KANK4: variants seen among roughly 807,000 people sequenced by gnomAD.
The protein encoded by KANK4 is KN motif and ankyrin repeat domain-containing protein 4.
A neutral mutation model predicts 80.8 loss-of-function variants in KANK4; 50 were observed. That is an observed-to-expected ratio of 0.62 (90% CI 0.49 to 0.78). The LOEUF is 0.78. Among genes scored for constraint, KANK4 ranks in the 30% least tolerant of loss-of-function variants. The pLI is 0.00. For missense variants in KANK4, 1,196 were observed against 1,240.1 expected, an observed-to-expected ratio of 0.96 and a Z score of 0.53; for synonymous variants, 465 against 506.9, an observed-to-expected ratio of 0.92 and a Z score of 1.11.
chr1:62,278,097 T>C (rs1672351710), intron 2 of KANK4, among the ~76,000 whole-genome samples: 1 of 152,042 alleles, frequency 6.6e-6, no homozygotes, highest in South Asian at 2.1e-4. Flanking sequence ...ACGCTCTAGG[T>C]CATGGGAGTC....
At chr1:62,293,062 TTGTGTGTGTGTGTG>T (rs5774593) in intron 1 of KANK4, among the ~76,000 whole-genome samples, 4,014 of 146,740 alleles carry the variant, frequency 0.027, 183 homozygotes, top group African/African-American at 0.094. Context: ...GTCTCAATCT[TTGTGTGTGTGTGTG>T]TGTGTGTGTG....
At chr1:62,281,507 A>C in intron 2 of KANK4, 42 bp downstream of exon 2, 1 of 1,613,564 alleles carries the variant, frequency 6.2e-7, no homozygotes, top group South Asian at 1.1e-5. Flanking sequence ...TCCCAGCCCA[A>C]GTGCTTATCT....
intron 4 of KANK4, 103 bp from the exon 5 acceptor site, chr1:62,268,608 C>T: frequency 1.2e-6 from 1 of 859,448 alleles, no homozygotes; most frequent in East Asian, 2.5e-5. Flanking sequence ...CCGCAGCTTG[C>T]TAATCTCCTC....
intron 1 of KANK4, among the ~76,000 whole-genome samples, chr1:62,305,500 GGGGTTTT>G (rs1644444145): frequency 6.6e-6 from 1 of 151,986 alleles, no homozygotes; most frequent in Admixed American, 6.6e-5. Flanking sequence ...TAGTAGAGAT[GGGGTTTT>G]GCCATGTTGG....
intron 2 of KANK4, among the ~76,000 whole-genome samples, chr1:62,279,281 TC>T (rs1672400057): frequency 6.6e-6 from 1 of 151,420 alleles, no homozygotes; most frequent in Admixed American, 6.6e-5. Context: ...CACCTGCCAT[TC>T]TGCATTCCTT....
intron 7 of KANK4, among the ~76,000 whole-genome samples, chr1:62,259,023 G>A (rs1020184865): frequency 1.3e-5 from 2 of 152,084 alleles, no homozygotes; most frequent in African/African-American, 4.8e-5. Flanking sequence ...CAGCAGAGAC[G>A]GCCCAGGCAG....
intron 1 of KANK4, among the ~76,000 whole-genome samples, chr1:62,282,185 G>A (rs1009281037): frequency 6.6e-6 from 1 of 152,130 alleles, no homozygotes; most frequent in Non-Finnish European, 1.5e-5. Flanking sequence ...TCTAACCATG[G>A]GCAGAACAAG....
At chr1:62,279,353 T>C (rs1238893885) in intron 2 of KANK4, among the ~76,000 whole-genome samples, 1 of 152,230 alleles carries the variant, frequency 6.6e-6, no homozygotes, top group East Asian at 1.9e-4. Flanking sequence ...GCTGATAAGC[T>C]GAGAGACTAC....
intron 1 of KANK4, among the ~76,000 whole-genome samples, chr1:62,293,891 CA>C (rs1462161393): frequency 6.6e-6 from 1 of 152,188 alleles, no homozygotes; most frequent in Non-Finnish European, 1.5e-5. Flanking sequence ...GAATTTACAG[CA>C]AGTGACTATG....
chr1:62,277,909 G>T (rs1022203503), intron 2 of KANK4, among the ~76,000 whole-genome samples: 1 of 152,182 alleles, frequency 6.6e-6, no homozygotes, highest in South Asian at 2.1e-4. Flanking sequence ...AGAAAATCTA[G>T]ATCTCCACAG....
intron 1 of KANK4, among the ~76,000 whole-genome samples, chr1:62,297,474 C>T (rs757200837): frequency 7.9e-5 from 12 of 152,042 alleles, no homozygotes; most frequent in African/African-American, 2.9e-4. Context: ...CTCCAGAGAC[C>T]GAGCTCTTAA....
chr1:62,250,093 C>T (rs2149121309), intron 8 of KANK4, among the ~76,000 whole-genome samples: 1 of 152,230 alleles, frequency 6.6e-6, no homozygotes, highest in Admixed American at 6.5e-5. Context: ...TCAAGCGATT[C>T]TCCTGCCCCT....
In KANK4 at chr1:62,274,284, C is replaced by T. The variant is rs369420611; in HGVS notation, c.820G>A (p.Glu274Lys). The T allele has an allele frequency of 1.5e-5, 25 of 1,613,992 alleles. No homozygotes were observed. The African/African-American group carries it at 2.5e-4, about 16-fold the overall frequency. The change falls in exon 3 of 10, where the codon GAG becomes AAG. Residue 274 changes from glutamate to lysine, a missense_variant. By Grantham distance (56) the Glu-to-Lys change is moderately conservative. Around this residue, in one of 3 missense-constraint regions of KANK4, gnomAD observed 1,154 missense variants for 1,179.6 expected, o/e 0.98. Transcript: ENST00000371153. ...KEDEHNAREA[E>K]VLFTPGSPTP... is the part of the protein sequence containing the mutation. ...GGGGAGCCAGGGGTGAACAACACCTCTGCTTCTCTGGCATTGTGTTCATCT... is the reference window on the plus strand; with the variant it reads ...GGGGAGCCAGGGGTGAACAACACCTTTGCTTCTCTGGCATTGTGTTCATCT...
intron 4 of KANK4, among the ~76,000 whole-genome samples, 200 bp downstream of exon 4, chr1:62,271,278 C>T (rs1460307056): frequency 6.6e-6 from 1 of 152,142 alleles, no homozygotes; most frequent in African/African-American, 2.4e-5. Flanking sequence ...ATATTAAAAG[C>T]AGAGGTTCCA....
chr1:62,273,532 C>T lies in KANK4; in HGVS notation c.1572G>A (p.Trp524Ter). ...CTGGGGGAGTCTTTCTGTCGCTGCC[C>T]CACAGAAAGCCTCCTGCTCCCCTGG... ...GGTRGAGGFL[W>*]GSDRKTPPAG... The change falls in exon 3 of 10, where the codon TGG becomes TGA. Residue 524 changes from tryptophan to a stop codon, truncating the protein, a stop_gained. Coordinates refer to ENST00000371153, the MANE Select transcript of KANK4 (RefSeq NM_181712.5). LOFTEE classifies it high-confidence loss of function. 2.5e-6 allele frequency: 4 copies of T among 1,613,416 alleles called. No homozygotes were observed. Among genetic ancestry groups the T allele is most frequent in the Non-Finnish European group, 3.4e-6 (4 of 1,179,434 alleles).
At chr1:62,299,934 G>A (rs1644397928) in intron 1 of KANK4, among the ~76,000 whole-genome samples, 1 of 152,118 alleles carries the variant, frequency 6.6e-6, no homozygotes, top group Admixed American at 6.5e-5. Context: ...CAGGTCAGAA[G>A]GCGTTTTGGG....
At chr1:62,269,853 C>T (rs1672118712) in intron 4 of KANK4, among the ~76,000 whole-genome samples, 1 of 152,138 alleles carries the variant, frequency 6.6e-6, no homozygotes, top group South Asian at 2.1e-4. Flanking sequence ...GCAGAAGTTC[C>T]TAACCTTAGT....
chr1:62,244,046 C>T (rs565644987), intron 9 of KANK4, among the ~76,000 whole-genome samples: 2 of 152,094 alleles, frequency 1.3e-5, no homozygotes, highest in Middle Eastern at 3.4e-3. Flanking sequence ...TCAGATTCAG[C>T]CTTTATAAAC....
chr1:62,247,409 G>A lies in KANK4; in HGVS notation c.2883+63C>T, dbSNP rs1332462575. ...CCCGCCTCAGCCTCCCAAAGTGCTG[G>A]GGTTACAGGTATGAGCCACCCTGCC... On this transcript the variant is annotated intron_variant, in intron 9 of 9. Coordinates refer to ENST00000371153, the MANE Select transcript of KANK4 (RefSeq NM_181712.5). The A allele has an allele frequency of 2.0e-6, 3 of 1,464,060 alleles. No homozygotes were observed. In the African/African-American group the frequency reaches 4.2e-5, roughly 20 times the overall value. 90.7% of individuals were successfully genotyped at this position (1,464,060 alleles called of 1,614,324 possible).
Sources: gnomAD v4.1 joint callset for allele counts (sites outside exome capture counted in the v4.1 genomes callset) on GRCh38, gnomAD v4.1.1 for gene constraint, gnomAD v4.1.1 regional missense constraint, MANE v1.5 for transcripts, NCBI Gene and HGNC (gene_info 2026-07-23, HGNC 2026-07-21) for gene names.